Variants in RUVBL1 observed in about 807,000 individuals in gnomAD.
The protein encoded by RUVBL1 is ruvB-like 1.
Under a neutral mutation model 52.4 loss-of-function variants are expected in RUVBL1, and 4 were observed. The ratio of observed to expected loss-of-function variants is 0.08; its 90% confidence interval spans 0.04 to 0.17. The LOEUF (loss-of-function observed/expected upper bound fraction) is 0.17. Ranked by LOEUF, RUVBL1 falls within the 10% of genes least tolerant of loss-of-function variation. RUVBL1 has a pLI of 1.00. For missense variants in RUVBL1, 298 were observed against 572.8 expected (o/e 0.52, Z 4.90); for synonymous variants, 217 against 214.4 (o/e 1.01, Z -0.10).
intron 2 of RUVBL1, among the ~76,000 whole-genome samples, chr3:128,117,937 C>T (rs1376660008): frequency 2.0e-5 from 3 of 152,064 alleles, no homozygotes; most frequent in Non-Finnish European, 2.9e-5. Context: ...GAGCAAATAA[C>T]ATTGAGAGAG....
intron 1 of RUVBL1, among the ~76,000 whole-genome samples, chr3:128,146,242 C>T (rs1481170928): frequency 1.3e-5 from 2 of 152,124 alleles, no homozygotes; most frequent in Non-Finnish European, 2.9e-5. Flanking sequence ...CAGAAGAAAA[C>T]AGGAGATGAG....
At chr3:128,103,303 T>C (rs1160921904) in intron 4 of RUVBL1, among the ~76,000 whole-genome samples, 1 of 152,208 alleles carries the variant, frequency 6.6e-6, no homozygotes, top group Non-Finnish European at 1.5e-5. Context: ...CCCAAATGAA[T>C]TGACTGAAGA....
intron 8 of RUVBL1, among the ~76,000 whole-genome samples, chr3:128,091,410 A>G (rs765353654): frequency 2.0e-5 from 3 of 152,236 alleles, no homozygotes; most frequent in East Asian, 1.9e-4. Context: ...CTGCAGATTT[A>G]TTCTTGCATC....
intron 3 of RUVBL1, among the ~76,000 whole-genome samples, chr3:128,109,817 T>A (rs1943336020): frequency 7.9e-6 from 1 of 126,698 alleles, no homozygotes; most frequent in Non-Finnish European, 1.6e-5. Flanking sequence ...AAATTTTTTT[T>A]TTTTTTTTTT....
chr3:128,082,413 T>A lies in RUVBL1; in HGVS notation c.1211+70A>T, dbSNP rs568964875. 3 of 1,174,896 alleles carry A rather than the reference T, an allele frequency of 2.6e-6. No homozygotes were observed. Among genetic ancestry groups the A allele is most frequent in the Admixed American group, 1.7e-5 (1 of 58,736 alleles). 72.8% of individuals were successfully genotyped at this position (1,174,896 alleles called of 1,614,324 possible). On this transcript the variant is annotated intron_variant, in intron 10 of 10. Transcript: ENST00000322623. The surrounding 1 kb of genome is among the most constrained non-coding windows in gnomAD (Gnocchi z 4.7). ...CCTAGGAAGGGACCTGCCTTTATTGTCCAGAATGACCCCAGCGAGGGCCCT... is the reference window on the plus strand; with the variant it reads ...CCTAGGAAGGGACCTGCCTTTATTGACCAGAATGACCCCAGCGAGGGCCCT...
chr3:128,123,766 A>G lies in RUVBL1; in HGVS notation c.-42T>C. 6.4e-7 allele frequency: 1 copy of G among 1,552,658 alleles called. No individual in the cohort carries two copies. On this transcript the variant is annotated 5_prime_UTR_variant, in exon 1 of 11. Transcript: ENST00000322623. ...GCTAAAACCAGCGTGGAAAACCAGC[A>G]GCTAGGACAGTGCGCCCGGCGCCTG...
chr3:128,065,671 TG>T (rs1247928827), intron 9 of RUVBL1, among the ~76,000 whole-genome samples: 2 of 152,234 alleles, frequency 1.3e-5, no homozygotes, highest in Admixed American at 1.3e-4. Flanking sequence ...GCCACATTCT[TG>T]CTTAATAAAA....
At chr3:128,074,850 A>T (rs2107661324) in intron 9 of RUVBL1, among the ~76,000 whole-genome samples, 1 of 151,602 alleles carries the variant, frequency 6.6e-6, no homozygotes, top group African/African-American at 2.4e-5. Flanking sequence ...CTCAAAAAAA[A>T]AAAAAAAAAA....
chr3:128,072,010 T>A (rs1376583447), intron 9 of RUVBL1, among the ~76,000 whole-genome samples: 2 of 152,214 alleles, frequency 1.3e-5, no homozygotes, highest in Non-Finnish European at 2.9e-5. Context: ...AGCAGGAGCC[T>A]AGGGCCCCAT....
intron 3 of RUVBL1, among the ~76,000 whole-genome samples, chr3:128,112,139 A>G (rs1420178856): frequency 6.6e-6 from 1 of 152,220 alleles, no homozygotes. Context: ...ATGGGGCCAA[A>G]AAACTGCCCC....
rs1046878609 is a variant in RUVBL1, at chr3:128,080,847, C to A, written c.*403G>T. Reference sequence around the variant, plus strand: ...AGTAGAATAATGCATCAGTATTGGTCATTCACGGTGACAAATGTGCTATCT... The same window carrying A: ...AGTAGAATAATGCATCAGTATTGGTAATTCACGGTGACAAATGTGCTATCT... On this transcript the variant is annotated 3_prime_UTR_variant, in exon 11 of 11. Coordinates refer to ENST00000322623, the MANE Select transcript of RUVBL1 (RefSeq NM_003707.3). The A allele has an allele frequency of 2.3e-5, 4 of 175,772 alleles. No homozygotes were observed. The highest frequency in any genetic ancestry group is 2.2e-4 in the Admixed American group (4 of 18,288). The allele number at this position is 175,772 out of a possible 1,614,324, so 10.9% of individuals were successfully genotyped here. A position where few individuals can be genotyped will look rare whatever the true frequency, so the allele number is the denominator to read the frequency against.
chr3:128,150,864 T>TATTC, intron 1 of RUVBL1, among the ~76,000 whole-genome samples: 1 of 72,940 alleles, frequency 1.4e-5, no homozygotes, highest in South Asian at 4.5e-4. Context: ...ATATTATATA[T>TATTC]TATATATATA....
At chr3:128,069,267 A>G (rs535188490) in intron 9 of RUVBL1, among the ~76,000 whole-genome samples, 2 of 152,370 alleles carry the variant, frequency 1.3e-5, no homozygotes, top group African/African-American at 4.8e-5. Flanking sequence ...GTCTAGTCAC[A>G]GTCCCCTGGC....
chr3:128,107,728 T>C (rs189371305), intron 3 of RUVBL1, among the ~76,000 whole-genome samples: 2 of 152,354 alleles, frequency 1.3e-5, no homozygotes, highest in East Asian at 3.9e-4. Flanking sequence ...TTCCTGAACA[T>C]TAATCTTAGA....
At chr3:128,084,424 C>G (rs1942577264) in intron 9 of RUVBL1, 1 of 152,212 alleles carries the variant, frequency 6.6e-6, no homozygotes, top group Non-Finnish European at 1.5e-5. Context: ...GAGGAAACCA[C>G]CAGGTCTTGC....
chr3:128,140,797 A>G (rs2107734320), intron 1 of RUVBL1, among the ~76,000 whole-genome samples: 1 of 152,316 alleles, frequency 6.6e-6, no homozygotes, highest in East Asian at 1.9e-4. Context: ...ATTGATATTC[A>G]ATATTCAGTA....
intron 9 of RUVBL1, among the ~76,000 whole-genome samples, chr3:128,075,577 C>A (rs1258518956): frequency 2.0e-5 from 3 of 152,092 alleles, no homozygotes; most frequent in Admixed American, 6.5e-5. Context: ...GGGACTTCAA[C>A]CTCGCTTGCT....
downstream of RUVBL1, among the ~76,000 whole-genome samples, chr3:128,076,559 C>A (rs146521582): frequency 6.6e-6 from 1 of 152,150 alleles, no homozygotes; most frequent in African/African-American, 2.4e-5. This position sits in a 1 kb window ranked among gnomAD's most constrained non-coding sequence, Gnocchi z 6.8. Flanking sequence ...ACCGAAGAGG[C>A]TGGTGGACCT....
chr3:128,139,347 G>GA (rs1182993283), intron 1 of RUVBL1, among the ~76,000 whole-genome samples: 4 of 152,010 alleles, frequency 2.6e-5, no homozygotes, highest in African/African-American at 4.8e-5. Flanking sequence ...AACTCAATAG[G>GA]AAAAAATCTA....
Sources: allele counts gnomAD v4.1 joint callset (sites outside exome capture counted in the v4.1 genomes callset), GRCh38; gene constraint gnomAD v4.1.1; non-coding constraint Gnocchi (gnomAD v3.1); transcripts MANE v1.5; gene names NCBI Gene and HGNC (gene_info 2026-07-23, HGNC 2026-07-21).